The following CSNK1G1 variants were observed in gnomAD, a reference collection of about 807,000 sequenced individuals.
CSNK1G1 encodes casein kinase I isoform gamma-1.
In CSNK1G1, 22 loss-of-function variants were observed where a neutral mutation model predicts 59.6. The observed-to-expected ratio is 0.37, with a 90% confidence interval of 0.26 to 0.53. CSNK1G1 has a LOEUF of 0.53. Among genes scored for constraint, CSNK1G1 ranks in the 20% least tolerant of loss-of-function variants. The probability of loss-of-function intolerance (pLI) is 0.89; values close to 1 mark genes in which losing one functional copy is unlikely to be tolerated. For synonymous variants in CSNK1G1, 179 were observed against 177.1 expected, an observed-to-expected ratio of 1.01 and a Z score of -0.08; for missense variants, 384 against 519.5, an observed-to-expected ratio of 0.74 and a Z score of 2.54.
chr15:64,353,163 T>G (rs931258404), intron 1 of CSNK1G1, among the ~76,000 whole-genome samples: 2 of 152,206 alleles, frequency 1.3e-5, no homozygotes, highest in African/African-American at 4.8e-5. Context: ...TCAAACTGAA[T>G]TGCAAACTTT....
intron 4 of CSNK1G1, among the ~76,000 whole-genome samples, chr15:64,231,125 G>A (rs1354600883): frequency 2.0e-5 from 3 of 151,348 alleles, no homozygotes; most frequent in African/African-American, 4.8e-5. Flanking sequence ...CCAAAAGTTC[G>A]AGACTAGCCT....
At chr15:64,226,518 T>A (rs1162325206) in intron 4 of CSNK1G1, among the ~76,000 whole-genome samples, 2 of 151,322 alleles carry the variant, frequency 1.3e-5, no homozygotes, top group African/African-American at 4.9e-5. Flanking sequence ...ATCGCAACAC[T>A]GTACTCCAGC....
chr15:64,263,782 A>AT (rs377510070), intron 2 of CSNK1G1, among the ~76,000 whole-genome samples: 7 of 83,386 alleles, frequency 8.4e-5, no homozygotes, highest in South Asian at 3.9e-4. Context: ...TTTCTCTTCC[A>AT]TTTTTTTGGT....
At position 64,204,909 on chromosome 15, in the gene CSNK1G1, G is replaced by T; in HGVS notation, c.806C>A (p.Thr269Asn). Residue 269 changes from threonine to asparagine, a missense_variant, in exon 8 of 12, where the codon ACC becomes AAC. This residue lies in a region of CSNK1G1 where 325 missense variants were observed against 440.9 expected (regional missense o/e 0.74). Coordinates refer to ENST00000303052, the MANE Select transcript of CSNK1G1 (RefSeq NM_022048.5). ...AGCTTCAATGGGAGTATTCCTTTTG[G>T]TGTCACCAATTTTTTGATATCTCTC... ...LKERYQKIGD[T>N]KRNTPIEALC... 4 of 1,611,866 alleles carry T rather than the reference G, an allele frequency of 2.5e-6. No homozygotes were observed. Among genetic ancestry groups the T allele is most frequent in the Non-Finnish European group, 3.4e-6 (4 of 1,178,102 alleles).
At chr15:64,327,694 G>A (rs1896923498) in intron 1 of CSNK1G1, among the ~76,000 whole-genome samples, 1 of 151,956 alleles carries the variant, frequency 6.6e-6, no homozygotes, top group Non-Finnish European at 1.5e-5. Flanking sequence ...GACGAGGTGA[G>A]AGAAGAAGGC....
At chr15:64,311,264 G>A (rs976473188) in intron 1 of CSNK1G1, among the ~76,000 whole-genome samples, 2 of 151,284 alleles carry the variant, frequency 1.3e-5, no homozygotes, top group South Asian at 2.1e-4. Flanking sequence ...CAGGTTAGTC[G>A]CGAACTCCTG....
intron 11 of CSNK1G1, 163 bp downstream of exon 11, chr15:64,180,185 G>A (rs2081793395): frequency 1.7e-6 from 1 of 584,298 alleles, no homozygotes; most frequent in Non-Finnish European, 3.1e-6. Context: ...AAGAAGGGCA[G>A]TAGCAGCCTT....
At position 64,216,781 on chromosome 15, in the gene CSNK1G1, T is replaced by G; in HGVS notation, c.293-68A>C. The stretch of plus-strand genomic sequence containing the variant: ...AAAGCCAAAATATGAGATAACAGTA[T>G]TAGCACTGAATAAAATATTTTTAAA... On this transcript the variant is annotated intron_variant, in intron 4 of 11. Transcript: ENST00000303052. This position sits in a 1 kb window ranked among gnomAD's most constrained non-coding sequence, Gnocchi z 4.6. 1.5e-6 allele frequency: 2 copies of G among 1,338,642 alleles called. No individual in the cohort carries two copies. The highest frequency in any genetic ancestry group is 1.0e-6 in the Non-Finnish European group (1 of 960,500). 82.9% of individuals were successfully genotyped at this position (1,338,642 alleles called of 1,614,324 possible).
intron 2 of CSNK1G1, chr15:64,265,662 T>TAA (rs1200114552): frequency 4.4e-3 from 1,188 of 271,490 alleles, no homozygotes; most frequent in South Asian, 7.3e-3. Flanking sequence ...ACAATAGCTT[T>TAA]AAAAAAAAAA....
At chr15:64,289,428 AAC>A (rs1296777134) in intron 2 of CSNK1G1, among the ~76,000 whole-genome samples, 3 of 152,210 alleles carry the variant, frequency 2.0e-5, no homozygotes, top group African/African-American at 7.2e-5. Context: ...GATCTGTTAA[AAC>A]TGCTTAACCT....
At chr15:64,296,514 T>C (rs1029223679) in intron 2 of CSNK1G1, among the ~76,000 whole-genome samples, 1 of 152,212 alleles carries the variant, frequency 6.6e-6, no homozygotes, top group Non-Finnish European at 1.5e-5. Context: ...CTATATCTTC[T>C]TATTTCTATC....
At chr15:64,326,688 G>A (rs1896855582) in intron 1 of CSNK1G1, among the ~76,000 whole-genome samples, 1 of 151,976 alleles carries the variant, frequency 6.6e-6, no homozygotes, top group African/African-American at 2.4e-5. Flanking sequence ...GGCCGAATAG[G>A]AACAGCTCCG....
chr15:64,311,055 TTTATTTA>T (rs1347635591), intron 1 of CSNK1G1, among the ~76,000 whole-genome samples: 1 of 151,948 alleles, frequency 6.6e-6, no homozygotes, highest in African/African-American at 2.4e-5. Context: ...TGCATTTTAT[TTTATTTA>T]TTATTTTTTT....
chr15:64,318,800 G>A (rs141647870), intron 1 of CSNK1G1, among the ~76,000 whole-genome samples: 2,078 of 151,770 alleles, frequency 0.014, 12 homozygotes, highest in Non-Finnish European at 0.02. Context: ...TAGTAGAGAC[G>A]AGGTTTCACC....
At chr15:64,235,943 T>C (rs2082608357) in intron 4 of CSNK1G1, among the ~76,000 whole-genome samples, 1 of 151,936 alleles carries the variant, frequency 6.6e-6, no homozygotes, top group African/African-American at 2.4e-5. Flanking sequence ...GGTAGAAAAC[T>C]GTTAGGTAAA....
At position 64,214,323 on chromosome 15, in the gene CSNK1G1, A is replaced by G. The variant is rs564403349; in HGVS notation, c.445-199T>C. ...AAATACGTACACAACAAATATCAAG[A>G]CTAGGAAAAAAAGTGGGATAGTACA... On this transcript the variant is annotated intron_variant, in intron 5 of 11. Coordinates refer to ENST00000303052, the MANE Select transcript of CSNK1G1 (RefSeq NM_022048.5). This position sits in a 1 kb window ranked among gnomAD's most constrained non-coding sequence, Gnocchi z 4.3. Among the ~76,000 whole-genome samples the G allele has an allele frequency of 3.5e-4, 54 of 152,344 alleles. No individual in the cohort carries two copies. Among genetic ancestry groups the G allele is most frequent in the African/African-American group, 1.3e-3 (54 of 41,576 alleles).
intron 1 of CSNK1G1, among the ~76,000 whole-genome samples, chr15:64,326,637 CTG>C (rs1227793938): frequency 4.6e-5 from 7 of 150,664 alleles, no homozygotes; most frequent in Non-Finnish European, 8.9e-5. Context: ...GAGCGAAACT[CTG>C]TATCAAAAAA....
At chr15:64,201,705 CATGTGTGTGTGTGTGT>C (rs2082110159) in intron 10 of CSNK1G1, among the ~76,000 whole-genome samples, 1 of 104,236 alleles carries the variant, frequency 9.6e-6, no homozygotes, top group South Asian at 3.7e-4. Context: ...CTCCATTGGA[CATGTGTGTGTGTGTGT>C]GTGTGTGTGT....
chr15:64,177,741 A>T (rs1199078924), intron 11 of CSNK1G1, among the ~76,000 whole-genome samples: 3 of 152,144 alleles, frequency 2.0e-5, no homozygotes, highest in Non-Finnish European at 4.4e-5. Flanking sequence ...CAAATACCAC[A>T]CTCACATACA....
Sources: gnomAD v4.1 joint callset for allele counts (sites outside exome capture counted in the v4.1 genomes callset) on GRCh38, gnomAD v4.1.1 for gene constraint, gnomAD v4.1.1 regional missense constraint, Gnocchi (gnomAD v3.1) non-coding constraint, MANE v1.5 for transcripts, NCBI Gene and HGNC (gene_info 2026-07-23, HGNC 2026-07-21) for gene names.